Variants in RHOBTB3 observed in about 807,000 individuals in gnomAD.
The protein encoded by RHOBTB3 is Rho related BTB domain containing 3.
Under a neutral mutation model 67.2 loss-of-function variants are expected in RHOBTB3, and 47 were observed. The observed-to-expected ratio is 0.70, with a 90% CI of 0.55 to 0.89. The LOEUF (loss-of-function observed/expected upper bound fraction) is 0.89, where lower values mean the gene tolerates loss of function less well. Ranked by LOEUF, RHOBTB3 falls within the 40% of genes least tolerant of loss-of-function variation. The pLI, the probability that RHOBTB3 is intolerant of heterozygous loss-of-function variation, is 0.00. For missense variants in RHOBTB3, 631 were observed against 750.0 expected (o/e 0.84, Z 1.85); for synonymous variants, 273 against 274.2 (o/e 1.00, Z 0.04).
chr5:95,721,741 T>C (rs1238253558), intron 1 of RHOBTB3, among the ~76,000 whole-genome samples: 1 of 147,312 alleles, frequency 6.8e-6, no homozygotes, highest in Non-Finnish European at 1.5e-5. Context: ...TAAGAATGTG[T>C]CCAAGGGAAT....
chr5:95,793,735 T>A lies in RHOBTB3; in HGVS notation c.*561T>A, dbSNP rs1746488141. On this transcript the variant is annotated 3_prime_UTR_variant, in exon 12 of 12. Coordinates refer to ENST00000379982, the MANE Select transcript of RHOBTB3 (RefSeq NM_014899.4). The stretch of plus-strand genomic sequence containing the variant: ...ATAAAAAAAATACCTGCTTTTCATC[T>A]GGACAACCCAATTGAGCCACTTTAT... 4.4e-6 allele frequency: 1 copy of A among 226,236 alleles called. No homozygotes were observed. Among genetic ancestry groups the A allele is most frequent in the Admixed American group, 5.2e-5 (1 of 19,246 alleles). 14.0% of individuals were successfully genotyped at this position (226,236 alleles called of 1,614,324 possible).
At chr5:95,786,326 A>G (rs1232176219) in intron 10 of RHOBTB3, among the ~76,000 whole-genome samples, 1 of 152,234 alleles carries the variant, frequency 6.6e-6, no homozygotes, top group Non-Finnish European at 1.5e-5. Context: ...AGCTCTCCAA[A>G]TAATCAAAAT....
Position 95,785,615 on chromosome 5 carries a change from A to G in RHOBTB3, c.1623+1652A>G, listed in dbSNP as rs577007137. Among the ~76,000 whole-genome samples the G allele has an allele frequency of 9.2e-5, 14 of 152,172 alleles. No individual in the cohort carries two copies. The South Asian group carries it at 2.9e-3, about 32-fold the overall frequency. On this transcript the variant is annotated intron_variant, in intron 10 of 11. Coordinates refer to ENST00000379982, the MANE Select transcript of RHOBTB3 (RefSeq NM_014899.4). ...TCTCAAAAAAAAAAAAAAATTGAGT[A>G]ACACTGATCTCTTTTTGTAAAACGT... is the stretch of plus-strand genomic sequence containing the variant.
At chr5:95,765,246 T>A (rs1385335865) in intron 7 of RHOBTB3, among the ~76,000 whole-genome samples, 1 of 152,230 alleles carries the variant, frequency 6.6e-6, no homozygotes. Flanking sequence ...TCATAACCTT[T>A]ATATGGCTGA....
chr5:95,788,996 G>C (rs1412279421), intron 11 of RHOBTB3, 138 bp downstream of exon 11: 1 of 567,696 alleles, frequency 1.8e-6, no homozygotes, highest in Non-Finnish European at 3.0e-6. Context: ...TATGCAGTGT[G>C]GTAATTGAGG....
At chr5:95,721,778 A>G (rs1754890037) in intron 1 of RHOBTB3, among the ~76,000 whole-genome samples, 1 of 152,142 alleles carries the variant, frequency 6.6e-6, no homozygotes, top group South Asian at 2.1e-4. Flanking sequence ...CAGCAGGAAA[A>G]AAACAGAAAG....
intron 8 of RHOBTB3, among the ~76,000 whole-genome samples, chr5:95,779,459 G>A (rs920604006): frequency 6.6e-6 from 1 of 152,164 alleles, no homozygotes; most frequent in Non-Finnish European, 1.5e-5. Context: ...GAGAGCCCTG[G>A]CCACTCACGG....
intron 7 of RHOBTB3, among the ~76,000 whole-genome samples, chr5:95,764,319 A>G (rs751643300): frequency 1.4e-4 from 21 of 152,154 alleles, no homozygotes; most frequent in Admixed American, 3.3e-4. Flanking sequence ...TTAAGTCTCA[A>G]ATAGTTTTTG....
chr5:95,761,030 C>T (rs1432937430), intron 6 of RHOBTB3, among the ~76,000 whole-genome samples: 1 of 152,176 alleles, frequency 6.6e-6, no homozygotes, highest in Non-Finnish European at 1.5e-5. Context: ...TGTGTGTTCT[C>T]AGACAGTTCA....
intron 11 of RHOBTB3, 148 bp downstream of exon 11, chr5:95,789,006 G>A (rs1746300074): frequency 1.8e-6 from 1 of 553,788 alleles, no homozygotes; most frequent in Non-Finnish European, 3.1e-6. Flanking sequence ...GGTAATTGAG[G>A]AAACAATTTA....
chr5:95,787,087 CA>C (rs1746244115), intron 10 of RHOBTB3, among the ~76,000 whole-genome samples: 1 of 152,200 alleles, frequency 6.6e-6, no homozygotes, highest in African/African-American at 2.4e-5. Flanking sequence ...AAATCTTGGT[CA>C]AAAATAAAAT....
At chr5:95,752,175 C>G (rs1745109384) in intron 4 of RHOBTB3, 64 bp from the exon 5 acceptor site, 11 of 990,286 alleles carry the variant, frequency 1.1e-5, no homozygotes, top group Non-Finnish European at 1.4e-5. Flanking sequence ...ACTTCAGATG[C>G]AAATTTTCAT....
At chr5:95,792,665 G>A (rs1176559943) in intron 11 of RHOBTB3, among the ~76,000 whole-genome samples, 6 of 151,404 alleles carry the variant, frequency 4.0e-5, no homozygotes, top group Non-Finnish European at 7.4e-5. Flanking sequence ...GGTGTCACAC[G>A]CCTGTAGTCC....
chr5:95,719,049 T>G (rs1184196649), intron 1 of RHOBTB3, among the ~76,000 whole-genome samples: 1 of 151,994 alleles, frequency 6.6e-6, no homozygotes, highest in Non-Finnish European at 1.5e-5. Flanking sequence ...AAGGTCATCA[T>G]GGAAAAAGGG....
At chr5:95,730,388 C>T (rs1379552989), upstream of RHOBTB3, among the ~76,000 whole-genome samples, 2 of 152,200 alleles carry the variant, frequency 1.3e-5, no homozygotes, top group Non-Finnish European at 2.9e-5. Flanking sequence ...AGTCTAACCC[C>T]AGAGTAATCC....
At chr5:95,789,311 A>G (rs1329131710) in intron 11 of RHOBTB3, 1 of 154,664 alleles carries the variant, frequency 6.5e-6, no homozygotes, top group East Asian at 1.9e-4. Context: ...TTTACTGAGT[A>G]TACCTATATG....
chr5:95,788,846 CAGG>C lies in RHOBTB3; in HGVS notation c.1710_1712del (p.Gln570_Asp571delinsHis). 6.5e-7 allele frequency: 1 copy of C among 1,543,290 alleles called. No individual in the cohort carries two copies. Reference sequence around the variant, plus strand: ...CATCTTCAGTCAAAAGCCTGAATTTCAGGATCTTTCAGGTAGATTGCTAATTTC... The same window carrying C: ...CATCTTCAGTCAAAAGCCTGAATTTCATCTTTCAGGTAGATTGCTAATTTC... On this transcript the variant is annotated inframe_deletion, in exon 11 of 12. Transcript: ENST00000379982.
intron 5 of RHOBTB3, among the ~76,000 whole-genome samples, chr5:95,753,233 ATGTGTGTGTGTGTG>A (rs57615515): frequency 2.7e-5 from 4 of 146,464 alleles, no homozygotes; most frequent in South Asian, 2.2e-4. Flanking sequence ...TGATGTGTGG[ATGTGTGTGTGTGTG>A]TGTGTGTGTG....
At chr5:95,783,286 TAA>T (rs367829434) in intron 9 of RHOBTB3, among the ~76,000 whole-genome samples, 10,535 of 151,546 alleles carry the variant, frequency 0.07, 501 homozygotes, top group Middle Eastern at 0.15. Context: ...CACACCTGGC[TAA>T]TTTTTTTTTA....
Sources: gnomAD v4.1 joint callset for allele counts (sites outside exome capture counted in the v4.1 genomes callset) on GRCh38, gnomAD v4.1.1 for gene constraint, MANE v1.5 for transcripts, NCBI Gene and HGNC (gene_info 2026-07-23, HGNC 2026-07-21) for gene names.